The following DNAH11 variants were observed in gnomAD, a reference collection of about 807,000 sequenced individuals.
DNAH11 encodes the protein dynein axonemal heavy chain 11.
Under a neutral mutation model 526.0 loss-of-function variants are expected in DNAH11, and 442 were observed. The ratio of observed to expected loss-of-function variants is 0.84; its 90% CI spans 0.78 to 0.91. DNAH11 has a LOEUF of 0.91. DNAH11 is among the 40% of genes least tolerant of loss of function. The pLI, the probability that DNAH11 is intolerant of heterozygous loss-of-function variation, is 0.00. For synonymous variants in DNAH11, 2,461 were observed against 1,935.9 expected (o/e 1.27, Z -7.12); for missense variants, 6,989 against 5,448.7 (o/e 1.28, Z -8.90).
At position 21,687,490 on chromosome 7, in the gene DNAH11, A is replaced by G; in HGVS notation, c.5887A>G (p.Lys1963Glu). Residue 1963 changes from lysine (K) to glutamate (E), a missense_variant, in exon 34 of 82, where the codon AAA becomes GAA. Physicochemically the swap from Lys to Glu is moderately conservative, Grantham distance 56. Transcript: ENST00000409508. ...EVLSVVAVQV[K>E]MIHDAIRNRK... is the part of the protein sequence containing the mutation. ...TCTGTCAGTGGTGGCAGTACAAGTG[A>G]AAATGATTCATGATGCCATCAGAAA... The G allele has an allele frequency of 1.2e-6, 2 of 1,613,748 alleles. No individual in the cohort carries two copies. Among genetic ancestry groups the G allele is most frequent in the Non-Finnish European group, 1.7e-6 (2 of 1,179,822 alleles).
At chr7:21,669,572 A>G (rs1782558686) in intron 30 of DNAH11, among the ~76,000 whole-genome samples, 1 of 152,074 alleles carries the variant, frequency 6.6e-6, no homozygotes, top group Admixed American at 6.6e-5. Context: ...TTTATCAGAA[A>G]GTTATAATTT....
intron 14 of DNAH11, among the ~76,000 whole-genome samples, chr7:21,593,348 G>C (rs1784758157): frequency 1.3e-5 from 2 of 152,172 alleles, no homozygotes; most frequent in Non-Finnish European, 2.9e-5. Context: ...AAGCTTGGTG[G>C]GAGTGGGCTG....
chr7:21,726,951 T>TTTTTTTTTTTTTTG (rs1562512222), intron 45 of DNAH11, among the ~76,000 whole-genome samples: 2 of 112,176 alleles, frequency 1.8e-5, no homozygotes, highest in African/African-American at 3.5e-5. Flanking sequence ...TTTTTTTTTT[T>TTTTTTTTTTTTTTG]GAGATGGAGT....
intron 67 of DNAH11, among the ~76,000 whole-genome samples, chr7:21,853,668 T>A (rs888223499): frequency 4.6e-5 from 7 of 152,148 alleles, no homozygotes; most frequent in African/African-American, 1.7e-4. Flanking sequence ...ATAAAAGAAA[T>A]AGATATTTGA....
chr7:21,823,720 C>T (rs1253582086), intron 65 of DNAH11, among the ~76,000 whole-genome samples: 1 of 152,004 alleles, frequency 6.6e-6, no homozygotes, highest in East Asian at 1.9e-4. Flanking sequence ...AAACATAAAA[C>T]TTTTATTTCT....
At chr7:21,849,454 T>C (rs1782541080) in intron 66 of DNAH11, among the ~76,000 whole-genome samples, 2 of 152,232 alleles carry the variant, frequency 1.3e-5, no homozygotes, top group Non-Finnish European at 2.9e-5. Flanking sequence ...TATATCATTT[T>C]TCTTGTCTAT....
chr7:21,826,043 A>G (rs1480602161), intron 65 of DNAH11, among the ~76,000 whole-genome samples: 1 of 152,134 alleles, frequency 6.6e-6, no homozygotes, highest in Non-Finnish European at 1.5e-5. Context: ...AGTGAGGGAT[A>G]AGAAGTAACC....
At chr7:21,899,015 AG>A (rs530403067) in intron 79 of DNAH11, among the ~76,000 whole-genome samples, 2 of 152,214 alleles carry the variant, frequency 1.3e-5, no homozygotes, top group Non-Finnish European at 2.9e-5. Context: ...TCCAAGTCAT[AG>A]GGTGATGACC....
chr7:21,615,276 A>G lies in DNAH11; in HGVS notation c.4011+4A>G. On this transcript the variant is annotated splice_donor_region_variant and intron_variant, in intron 21 of 81. Coordinates refer to ENST00000409508, the MANE Select transcript of DNAH11 (RefSeq NM_001277115.2). Reference sequence around the variant, plus strand: ...GGATGTCATTATTTATGTTCGAGTAAGATGTGCTTTTTCAAAACATGCTTT... The same window carrying G: ...GGATGTCATTATTTATGTTCGAGTAGGATGTGCTTTTTCAAAACATGCTTT... 1.9e-6 allele frequency: 3 copies of G among 1,608,510 alleles called. 1 individual carries two copies. The African/African-American group carries it at 4.0e-5, about 21-fold the overall frequency.
intron 65 of DNAH11, among the ~76,000 whole-genome samples, chr7:21,820,337 G>A (rs950262334): frequency 6.6e-6 from 1 of 152,210 alleles, no homozygotes; most frequent in Non-Finnish European, 1.5e-5. Context: ...AACCGTTGGT[G>A]TGGTGATAGA....
chr7:21,828,289 C>G (rs528013119), intron 65 of DNAH11, among the ~76,000 whole-genome samples: 1 of 152,234 alleles, frequency 6.6e-6, no homozygotes, highest in South Asian at 2.1e-4. Context: ...TTATGTAGTT[C>G]TCTCATTATT....
At chr7:21,767,443 T>TGCCGTTG (rs1787228959) in intron 55 of DNAH11, among the ~76,000 whole-genome samples, 1 of 152,204 alleles carries the variant, frequency 6.6e-6, no homozygotes, top group Non-Finnish European at 1.5e-5. Flanking sequence ...GAGTTTGATA[T>TGCCGTTG]GCCGTTGACC....
chr7:21,668,343 A>G (rs762051361), intron 30 of DNAH11, among the ~76,000 whole-genome samples: 40 of 152,280 alleles, frequency 2.6e-4, no homozygotes, highest in Non-Finnish European at 4.0e-4. Flanking sequence ...TAAAAATAAT[A>G]TCTCTTCCTA....
intron 2 of DNAH11, among the ~76,000 whole-genome samples, chr7:21,558,203 A>C (rs1194638057): frequency 6.6e-6 from 1 of 152,232 alleles, no homozygotes; most frequent in Non-Finnish European, 1.5e-5. Context: ...GAAGAGACCA[A>C]CTTCATTAAT....
chr7:21,648,999 G>C (rs1013769942), intron 28 of DNAH11, among the ~76,000 whole-genome samples: 1 of 152,124 alleles, frequency 6.6e-6, no homozygotes, highest in Non-Finnish European at 1.5e-5. Context: ...GCCTAGTAAA[G>C]TATTCATTTT....
chr7:21,624,779 T>A (rs1344746507), intron 25 of DNAH11, among the ~76,000 whole-genome samples: 1 of 152,180 alleles, frequency 6.6e-6, no homozygotes, highest in Non-Finnish European at 1.5e-5. Flanking sequence ...TTTTACCAAA[T>A]GTCTTTTCTG....
chr7:21,601,564 C>A lies in DNAH11; in HGVS notation c.3594C>A (p.Thr1198=). The change falls in exon 18 of 82, where the codon ACC becomes ACA. Residue 1198 remains threonine (T), a synonymous_variant. Transcript: ENST00000409508. ...ELFEPLKETI[T]LLESYGQKMP... is the part of the protein sequence containing the mutation. ...TTGAACCTCTAAAAGAAACGATCAC[C>A]CTCTTGGAAAGCTATGGCCAGAAGA... is the stretch of plus-strand genomic sequence containing the variant. 1 of 1,609,234 alleles carries A rather than the reference C, an allele frequency of 6.2e-7. No homozygotes were observed. Among genetic ancestry groups the A allele is most frequent in the East Asian group, 2.2e-5 (1 of 44,722 alleles).
intron 54 of DNAH11, among the ~76,000 whole-genome samples, chr7:21,760,252 G>A (rs1786840557): frequency 6.6e-6 from 1 of 152,168 alleles, no homozygotes; most frequent in African/African-American, 2.4e-5. Flanking sequence ...AAGAAAGGAT[G>A]TCTCAGACTG....
chr7:21,852,853 A>C (rs1219598459), intron 67 of DNAH11, among the ~76,000 whole-genome samples: 1 of 152,198 alleles, frequency 6.6e-6, no homozygotes, highest in East Asian at 1.9e-4. Context: ...TTCAAATTAG[A>C]CACTGTCCGG....
Sources: gnomAD v4.1 joint callset for allele counts (sites outside exome capture counted in the v4.1 genomes callset) on GRCh38, gnomAD v4.1.1 for gene constraint, MANE v1.5 for transcripts, NCBI Gene and HGNC (gene_info 2026-07-23, HGNC 2026-07-21) for gene names.